Variants in RFC1 observed in about 807,000 individuals in gnomAD.
RFC1 encodes A1 140 kDa subunit.
Under a neutral mutation model 137.4 loss-of-function variants are expected in RFC1, and 37 were observed. That is an observed-to-expected ratio of 0.27 (90% confidence interval 0.21 to 0.35). The LOEUF (loss-of-function observed/expected upper bound fraction) is 0.35. RFC1 is among the 10% of genes least tolerant of loss of function. The pLI is 1.00. For missense variants in RFC1, 1,205 were observed against 1,358.5 expected, an observed-to-expected ratio of 0.89 and a Z score of 1.78; for synonymous variants, 429 against 455.7, an observed-to-expected ratio of 0.94 and a Z score of 0.75.
intron 4 of RFC1, among the ~76,000 whole-genome samples, chr4:39,329,119 G>T (rs1739938601): frequency 2.9e-5 from 1 of 34,598 alleles, no homozygotes; most frequent in Non-Finnish European, 5.0e-5. Flanking sequence ...GTTTGCTTCA[G>T]TGACTCACAA....
chr4:39,296,652 T>C lies in RFC1; in HGVS notation c.2809-893A>G, dbSNP rs1201183190. 3.3e-5 allele frequency among the ~76,000 whole-genome samples: 5 copies of C among 151,742 alleles called. No individual in the cohort carries two copies. In the South Asian group the frequency reaches 1.0e-3, roughly 32 times the overall value. The stretch of plus-strand genomic sequence containing the variant: ...CACATTTTCTTAATCCAGTCTATCA[T>C]TGTTGGACATTTGGGTTGGTTCCAA... On this transcript the variant is annotated intron_variant, in intron 21 of 24. Transcript: ENST00000349703.
At chr4:39,364,252 G>T (rs1377848888) in intron 1 of RFC1, among the ~76,000 whole-genome samples, 1 of 107,588 alleles carries the variant, frequency 9.3e-6, no homozygotes, top group East Asian at 2.8e-4. Flanking sequence ...CATACCCAAC[G>T]ACACAGTCTG....
intron 6 of RFC1, among the ~76,000 whole-genome samples, chr4:39,325,582 T>C (rs924644470): frequency 6.6e-6 from 1 of 152,026 alleles, no homozygotes; most frequent in African/African-American, 2.4e-5. Flanking sequence ...GGGATTTCCC[T>C]ATGTTACCCA....
intron 13 of RFC1, among the ~76,000 whole-genome samples, chr4:39,307,076 C>T (rs1738707618): frequency 1.3e-5 from 2 of 152,146 alleles, no homozygotes; most frequent in Admixed American, 6.5e-5. Context: ...AGTGACTTAG[C>T]CCCTCTGTGC....
chr4:39,292,966 G>A (rs1737771791), intron 22 of RFC1, among the ~76,000 whole-genome samples: 1 of 152,062 alleles, frequency 6.6e-6, no homozygotes, highest in Non-Finnish European at 1.5e-5. Flanking sequence ...AACTTCAAAA[G>A]TTGTTGTTAT....
chr4:39,336,964 T>C (rs945584725), intron 4 of RFC1, among the ~76,000 whole-genome samples: 1 of 152,182 alleles, frequency 6.6e-6, no homozygotes, highest in Non-Finnish European at 1.5e-5. Flanking sequence ...ATCAAATTTA[T>C]AGAAGATATA....
rs551717917 is a variant in RFC1 at position 39,355,880 on chromosome 4, T to C, written c.4-4404A>G. The stretch of plus-strand genomic sequence containing the variant: ...AGCTGGGCATGGTGGCACACACCTG[T>C]AGTCCCAGCTACTTGGGAAGCTGAG... On this transcript the variant is annotated intron_variant, in intron 1 of 24. Coordinates refer to ENST00000349703, the MANE Select transcript of RFC1 (RefSeq NM_002913.5). 500 of 151,726 alleles carry C rather than the reference T, an allele frequency of 3.3e-3. 4 individuals carry two copies. Among genetic ancestry groups the C allele is most frequent in the Non-Finnish European group, 5.7e-3 (390 of 68,150 alleles). The allele number at this position is 151,726 out of a possible 1,614,324, so 9.4% of individuals were successfully genotyped here.
At chr4:39,291,117 G>A (rs1403440254) in intron 23 of RFC1, among the ~76,000 whole-genome samples, 1 of 152,094 alleles carries the variant, frequency 6.6e-6, no homozygotes, top group Non-Finnish European at 1.5e-5. Flanking sequence ...TTGGGTATTG[G>A]ATGTTACATA....
chr4:39,346,791 T>C (rs184144578), intron 2 of RFC1, among the ~76,000 whole-genome samples: 1 of 152,256 alleles, frequency 6.6e-6, no homozygotes, highest in East Asian at 1.9e-4. Context: ...GAAGAAGGTA[T>C]CAAGTAAAGG....
intron 2 of RFC1, among the ~76,000 whole-genome samples, chr4:39,347,240 C>T (rs1740903481): frequency 6.6e-6 from 1 of 152,164 alleles, no homozygotes; most frequent in South Asian, 2.1e-4. Context: ...AATCAATTGA[C>T]TAAGTAAAGC....
chr4:39,340,283 T>C (rs1008067410), intron 4 of RFC1, among the ~76,000 whole-genome samples: 2 of 152,228 alleles, frequency 1.3e-5, no homozygotes, highest in South Asian at 4.1e-4. Flanking sequence ...AAATTCTATC[T>C]TTTGGAATTA....
intron 10 of RFC1, among the ~76,000 whole-genome samples, chr4:39,313,923 T>C (rs555929833): frequency 3.7e-4 from 57 of 152,294 alleles, no homozygotes; most frequent in Non-Finnish European, 7.2e-4. Flanking sequence ...GGAAAAGACA[T>C]TAAATCTTAA....
chr4:39,329,357 A>C (rs1314326512), intron 4 of RFC1, among the ~76,000 whole-genome samples: 1 of 151,516 alleles, frequency 6.6e-6, no homozygotes, highest in African/African-American at 2.4e-5. Flanking sequence ...TTAGCTGGGG[A>C]GGCAGGCAGA....
At chr4:39,351,548 G>A (rs558323099) in intron 1 of RFC1, 72 bp from the exon 2 acceptor site, 1 of 1,349,248 alleles carries the variant, frequency 7.4e-7, no homozygotes, top group Non-Finnish European at 9.9e-7. Flanking sequence ...TTGTAAGATG[G>A]GACAGCTTTA....
At chr4:39,296,250 C>T (rs200748717) in intron 21 of RFC1, among the ~76,000 whole-genome samples, 71 of 132,660 alleles carry the variant, frequency 5.4e-4, no homozygotes, top group South Asian at 7.1e-4. Flanking sequence ...TTTTTTTTTT[C>T]TTTTTTTTTT....
In RFC1 at chr4:39,304,910, C is replaced by G. The variant is rs28903096; in HGVS notation, c.2014G>C (p.Val672Leu). 1.2e-5 allele frequency: 19 copies of G among 1,610,554 alleles called. No homozygotes were observed. The highest frequency in any genetic ancestry group is 1.6e-5 in the Non-Finnish European group (19 of 1,176,872). ...LVCQELGYSY[V>L]ELNASDTRSK... ...CGGGTGTCACTTGCATTCAGTTCCA[C>G]GTAGCTGTATCCCAACTCCTAATCA... The change falls in exon 15 of 25, where the codon GTG (valine) becomes CTG (leucine). Residue 672 changes from valine (V) to leucine (L), a missense_variant. Val to Leu is a conservative substitution (Grantham distance 32). Coordinates refer to ENST00000349703, the MANE Select transcript of RFC1 (RefSeq NM_002913.5).
intron 10 of RFC1, among the ~76,000 whole-genome samples, chr4:39,316,192 T>C (rs1456190146): frequency 3.3e-5 from 5 of 152,200 alleles, no homozygotes; most frequent in African/African-American, 9.6e-5. Context: ...ATTGCGCCAC[T>C]GCACTCCAGC....
At chr4:39,327,801 G>A (rs45478392) in intron 4 of RFC1, 45 bp from the exon 5 acceptor site, 2,702 of 1,387,272 alleles carry the variant, frequency 1.9e-3, no homozygotes, top group Non-Finnish European at 2.1e-3. Flanking sequence ...ACATCAATTC[G>A]GTTATACAAA....
chr4:39,306,104 G>A (rs977462432), intron 14 of RFC1, among the ~76,000 whole-genome samples: 1 of 152,202 alleles, frequency 6.6e-6, no homozygotes, highest in Non-Finnish European at 1.5e-5. Context: ...AGTAGCAATA[G>A]AGACAATAGG....
Sources: gnomAD v4.1 joint callset for allele counts (sites outside exome capture counted in the v4.1 genomes callset) on GRCh38, gnomAD v4.1.1 for gene constraint, MANE v1.5 for transcripts, NCBI Gene and HGNC (gene_info 2026-07-23, HGNC 2026-07-21) for gene names.